Variants in KLHL29 observed in about 807,000 individuals in gnomAD.
KLHL29 encodes the protein kelch like family member 29, also known as kelch-like protein 29.
A neutral mutation model predicts 80.4 loss-of-function variants in KLHL29; 21 were observed. The observed-to-expected ratio is 0.26, with a 90% CI of 0.19 to 0.38. The LOEUF is 0.38. Among genes scored for constraint, KLHL29 ranks in the 10% least tolerant of loss-of-function variants. KLHL29 has a pLI of 1.00. For synonymous variants in KLHL29, 511 were observed against 526.8 expected (o/e 0.97, Z 0.41); for missense variants, 867 against 1,223.9 (o/e 0.71, Z 4.35).
At chr2:23,388,406 A>G (rs953290356) in intron 1 of KLHL29, among the ~76,000 whole-genome samples, 1 of 152,230 alleles carries the variant, frequency 6.6e-6, no homozygotes, top group Non-Finnish European at 1.5e-5. Flanking sequence ...CTATTACCAA[A>G]GGAACCTCTA....
chr2:23,440,156 C>A (rs56326608), intron 1 of KLHL29, among the ~76,000 whole-genome samples: 15,858 of 151,896 alleles, frequency 0.1, 1,651 homozygotes, highest in East Asian at 0.29. Context: ...TTGAACAGAG[C>A]CCTCAGAAAT....
At chr2:23,431,083 T>A (rs1025134411) in intron 1 of KLHL29, among the ~76,000 whole-genome samples, 1 of 152,198 alleles carries the variant, frequency 6.6e-6, no homozygotes, top group African/African-American at 2.4e-5. Flanking sequence ...GCTGCAGTGG[T>A]CTTGCTGGAA....
At chr2:23,438,989 C>G (rs868743579) in intron 1 of KLHL29, among the ~76,000 whole-genome samples, 3 of 146,792 alleles carry the variant, frequency 2.0e-5, no homozygotes, top group African/African-American at 7.8e-5. Flanking sequence ...AATTTCAGAT[C>G]CTGTTATTGG....
At position 23,430,606 on chromosome 2, in the gene KLHL29, G is replaced by C. The variant is rs533225088; in HGVS notation, c.-154+44826G>C. Among the ~76,000 whole-genome samples, 35 of 152,274 alleles carry C rather than the reference G, an allele frequency of 2.3e-4. No individual in the cohort carries two copies. In the South Asian group the frequency reaches 6.8e-3, roughly 30 times the overall value. ...GATCATTACATCAGTGCCCAGTGCCGTTCAGTTACATAAATCTGACCCATT... is the reference window on the plus strand; with the variant it reads ...GATCATTACATCAGTGCCCAGTGCCCTTCAGTTACATAAATCTGACCCATT... On this transcript the variant is annotated intron_variant, in intron 1 of 13. Transcript: ENST00000486442.
intron 1 of KLHL29, among the ~76,000 whole-genome samples, chr2:23,414,757 G>A (rs770541446): frequency 1.3e-5 from 2 of 152,230 alleles, no homozygotes; most frequent in African/African-American, 2.4e-5. Context: ...GCCGGTCTCA[G>A]ACTGGTCTGC....
At chr2:23,574,028 C>T (rs183384348) in intron 3 of KLHL29, among the ~76,000 whole-genome samples, 72 of 152,208 alleles carry the variant, frequency 4.7e-4, no homozygotes, top group African/African-American at 1.7e-3. Context: ...GCTGGTCCCT[C>T]GGTCGTTCTT....
In KLHL29 at chr2:23,680,839, G is replaced by A. The variant is rs561355226; in HGVS notation, c.941-3560G>A. ...GGTCTCTAGGCCATCATCTTCTCCC[G>A]CAGAATCCTGGAGCAGGATAGTGCA... is the stretch of plus-strand genomic sequence containing the variant. On this transcript the variant is annotated intron_variant, in intron 5 of 13. Transcript: ENST00000486442. The surrounding 1 kb of genome is among the most constrained non-coding windows in gnomAD (Gnocchi z 4.1). Among the ~76,000 whole-genome samples the A allele has an allele frequency of 1.6e-4, 24 of 152,118 alleles. No homozygotes were observed. The highest frequency in any genetic ancestry group is 4.6e-4 in the African/African-American group (19 of 41,482).
At chr2:23,431,561 ATTC>A (rs1663176271) in intron 1 of KLHL29, among the ~76,000 whole-genome samples, 2 of 152,198 alleles carry the variant, frequency 1.3e-5, no homozygotes, top group South Asian at 2.1e-4. Flanking sequence ...GTGGGAGATT[ATTC>A]TTCATTTCAA....
chr2:23,406,846 A>C (rs1444885455), intron 1 of KLHL29, among the ~76,000 whole-genome samples: 1 of 152,230 alleles, frequency 6.6e-6, no homozygotes, highest in African/African-American at 2.4e-5. Flanking sequence ...CTTTAAAATT[A>C]TGTAACTTTT....
intron 3 of KLHL29, among the ~76,000 whole-genome samples, chr2:23,624,180 T>C (rs1397761402): frequency 2.0e-5 from 3 of 152,128 alleles, no homozygotes; most frequent in African/African-American, 7.2e-5. Context: ...CTACGTGGAA[T>C]ATTCATCTCT....
In KLHL29 at chr2:23,685,050, G is replaced by C. The variant is rs573481459; in HGVS notation, c.1079+513G>C. 3.8e-4 allele frequency among the ~76,000 whole-genome samples: 58 copies of C among 152,282 alleles called. 1 individual carries two copies. The East Asian group carries it at 5.8e-3, about 15-fold the overall frequency. On this transcript the variant is annotated intron_variant, in intron 6 of 13. Coordinates refer to ENST00000486442, the MANE Select transcript of KLHL29 (RefSeq NM_052920.2). Reference sequence around the variant, plus strand: ...GGGCTGCTTTTCCCCAGCCCAAGTAGGGGAGAAGAGACTTGTAGCAATGCC... The same window carrying C: ...GGGCTGCTTTTCCCCAGCCCAAGTACGGGAGAAGAGACTTGTAGCAATGCC...
At chr2:23,515,977 A>C (rs768957941) in intron 2 of KLHL29, among the ~76,000 whole-genome samples, 11 of 152,238 alleles carry the variant, frequency 7.2e-5, no homozygotes, top group Non-Finnish European at 1.5e-4. Context: ...TAAAAAGATA[A>C]ATGAATCAAT....
At position 23,701,709 on chromosome 2, in the gene KLHL29, C is replaced by CTTCACCCA. The variant is rs1485749035; in HGVS notation, c.2106-1477_2106-1476insTTCACCCA. On this transcript the variant is annotated intron_variant, in intron 11 of 13. Transcript: ENST00000486442. ...TCTAGCCTAGGCAACAGAGCAAGACCCTGCCTCAAACAAACAAACCTTCAC... is the reference window on the plus strand; with the variant it reads ...TCTAGCCTAGGCAACAGAGCAAGACCTTCACCCACTGCCTCAAACAAACAAACCTTCAC... Among the ~76,000 whole-genome samples the CTTCACCCA allele has an allele frequency of 3.3e-5, 5 of 152,172 alleles. No homozygotes were observed. In the East Asian group the frequency reaches 9.6e-4, roughly 29 times the overall value.
intron 3 of KLHL29, among the ~76,000 whole-genome samples, chr2:23,634,200 C>T (rs1423278064): frequency 6.6e-6 from 1 of 152,132 alleles, no homozygotes; most frequent in Non-Finnish European, 1.5e-5. Flanking sequence ...CCAGCCCTGT[C>T]TGCACCACAT....
intron 5 of KLHL29, among the ~76,000 whole-genome samples, chr2:23,662,629 T>A (rs1670443380): frequency 6.6e-6 from 1 of 152,134 alleles, no homozygotes; most frequent in African/African-American, 2.4e-5. Context: ...GAGAGAGCCC[T>A]GCCCGGCCCC....
chr2:23,423,321 C>T (rs951149138), intron 1 of KLHL29, among the ~76,000 whole-genome samples: 1 of 152,142 alleles, frequency 6.6e-6, no homozygotes, highest in African/African-American at 2.4e-5. Flanking sequence ...ACCTCCCGGG[C>T]CTGACCTCCC....
chr2:23,421,792 CTGTG>C (rs1248206774), intron 1 of KLHL29, among the ~76,000 whole-genome samples: 2 of 149,438 alleles, frequency 1.3e-5, no homozygotes, highest in Non-Finnish European at 3.0e-5. Context: ...GTTCATACAT[CTGTG>C]TGTGTGTCCA....
intron 2 of KLHL29, among the ~76,000 whole-genome samples, chr2:23,532,231 A>G (rs1666512692): frequency 6.6e-6 from 1 of 152,230 alleles, no homozygotes. Context: ...TCTGAACATG[A>G]TGCTGTGCTC....
intron 2 of KLHL29, among the ~76,000 whole-genome samples, chr2:23,522,067 G>A (rs1215138037): frequency 6.6e-6 from 1 of 152,178 alleles, no homozygotes; most frequent in East Asian, 1.9e-4. Context: ...AGAATTGTTT[G>A]CAAAGGAAGC....
Sources: gnomAD v4.1 joint callset for allele counts (sites outside exome capture counted in the v4.1 genomes callset) on GRCh38, gnomAD v4.1.1 for gene constraint, Gnocchi (gnomAD v3.1) non-coding constraint, MANE v1.5 for transcripts, NCBI Gene and HGNC (gene_info 2026-07-23, HGNC 2026-07-21) for gene names.